ARIH1: variants seen among roughly 807,000 people sequenced by gnomAD.
The protein encoded by ARIH1 is ariadne RBR E3 ubiquitin protein ligase 1.
A neutral mutation model predicts 85.0 loss-of-function variants in ARIH1; 8 were observed. That is an observed-to-expected ratio of 0.09 (90% CI 0.06 to 0.17). The LOEUF is 0.17. Among genes scored for constraint, ARIH1 ranks in the 10% least tolerant of loss-of-function variants. ARIH1 has a pLI of 1.00. For synonymous variants in ARIH1, 238 were observed against 253.6 expected, an observed-to-expected ratio of 0.94 and a Z score of 0.59; for missense variants, 311 against 718.1, an observed-to-expected ratio of 0.43 and a Z score of 6.48.
intron 2 of ARIH1, among the ~76,000 whole-genome samples, chr15:72,543,923 A>G (rs2064118418): frequency 6.6e-6 from 1 of 151,586 alleles, no homozygotes; most frequent in African/African-American, 2.4e-5. Flanking sequence ...AACATGTCTC[A>G]TCTGAATTAA....
intron 1 of ARIH1, among the ~76,000 whole-genome samples, chr15:72,487,961 G>T (rs993411070): frequency 6.6e-5 from 10 of 152,006 alleles, no homozygotes; most frequent in African/African-American, 2.4e-4. Flanking sequence ...ATTCTTTACT[G>T]TGTAACACAT....
chr15:72,486,310 ATC>A (rs976758796), intron 1 of ARIH1, among the ~76,000 whole-genome samples: 1 of 152,128 alleles, frequency 6.6e-6, no homozygotes, highest in African/African-American at 2.4e-5. Flanking sequence ...GTGTGATGAA[ATC>A]TCTCACCATC....
chr15:72,544,791 C>A, intron 2 of ARIH1, 29 bp from the exon 3 acceptor site: 2 of 1,594,562 alleles, frequency 1.3e-6, no homozygotes, highest in South Asian at 1.1e-5. Flanking sequence ...AGTTGCTGGG[C>A]TCTTATCCTT....
In ARIH1 at chr15:72,561,484, C is replaced by A; in HGVS notation, c.739C>A (p.Arg247Ser). ...ATCTATTTTTATTCTTGGTTTCAGG[C>A]GCCTGATCACAGATTCAAAAGTTAA... ...DILVDDNTVM[R>S]LITDSKVKLK... Residue 247 changes from arginine to serine, a missense_variant and splice_region_variant, in exon 6 of 14, where the codon CGC becomes AGC. Physicochemically the swap from Arg to Ser is moderately radical, Grantham distance 110. This residue lies in a region of ARIH1 where 104 missense variants were observed against 221.4 expected (regional missense o/e 0.47). Transcript: ENST00000379887. 1 of 1,588,818 alleles carries A rather than the reference C, an allele frequency of 6.3e-7. No homozygotes were observed. Among genetic ancestry groups the A allele is most frequent in the Non-Finnish European group, 8.6e-7 (1 of 1,161,322 alleles).
intron 1 of ARIH1, among the ~76,000 whole-genome samples, chr15:72,475,408 C>A (rs1188986586): frequency 6.6e-6 from 1 of 151,982 alleles, no homozygotes; most frequent in South Asian, 2.1e-4. Context: ...ACGGGACTTA[C>A]CCCGGCCGTA....
At chr15:72,512,353 T>G (rs1021335896) in intron 1 of ARIH1, among the ~76,000 whole-genome samples, 25 of 152,070 alleles carry the variant, frequency 1.6e-4, no homozygotes, top group African/African-American at 5.8e-4. Context: ...GTGTCTTCTT[T>G]AGTGAGGTTT....
Position 72,585,150 on chromosome 15 carries a change from C to G in ARIH1, c.*1858C>G, listed in dbSNP as rs2064310652. 1 of 152,042 alleles carries G rather than the reference C, an allele frequency of 6.6e-6. No individual in the cohort carries two copies. Among genetic ancestry groups the G allele is most frequent in the Admixed American group, 6.6e-5 (1 of 15,234 alleles). 9.4% of individuals were successfully genotyped at this position (152,042 alleles called of 1,614,324 possible). On this transcript the variant is annotated 3_prime_UTR_variant, in exon 14 of 14. Transcript: ENST00000379887. ...AAGGTTGTTACAGGAGATTTACTGG[C>G]AACTGTTCTTTTCCCATCAAAAATC...
intron 1 of ARIH1, among the ~76,000 whole-genome samples, chr15:72,496,507 TG>T: frequency 6.6e-6 from 1 of 152,324 alleles, no homozygotes; most frequent in African/African-American, 2.4e-5. Flanking sequence ...GAAGAAACTG[TG>T]TGGCCTGGTT....
intron 2 of ARIH1, among the ~76,000 whole-genome samples, chr15:72,527,062 T>G (rs1409810431): frequency 6.6e-6 from 1 of 152,222 alleles, no homozygotes; most frequent in Non-Finnish European, 1.5e-5. Context: ...TGTGGGATAT[T>G]GCCTCCATTA....
intron 1 of ARIH1, among the ~76,000 whole-genome samples, chr15:72,497,635 A>T (rs2063885113): frequency 6.6e-6 from 1 of 152,300 alleles, no homozygotes; most frequent in Non-Finnish European, 1.5e-5. Flanking sequence ...TTGGCTGAAA[A>T]GTGAGTGCTA....
rs192907069 is a variant in ARIH1, at chr15:72,565,410, G to A, written c.912-1153G>A. On this transcript the variant is annotated intron_variant, in intron 7 of 13. Coordinates refer to ENST00000379887, the MANE Select transcript of ARIH1 (RefSeq NM_005744.5). The stretch of plus-strand genomic sequence containing the variant: ...CCAGCCAGATTTTCTTTTTTGCTGC[G>A]GGGTGGTTTGGAGGGGGAAATATTT... Among the ~76,000 whole-genome samples the A allele has an allele frequency of 9.9e-5, 15 of 151,966 alleles. No homozygotes were observed. In the East Asian group the frequency reaches 2.5e-3, roughly 25 times the overall value.
intron 1 of ARIH1, among the ~76,000 whole-genome samples, chr15:72,496,024 C>T (rs1050469253): frequency 2.0e-5 from 3 of 152,108 alleles, no homozygotes; most frequent in African/African-American, 7.2e-5. Context: ...AATCCTTCCG[C>T]CTCAGCCTCC....
chr15:72,529,463 C>T (rs1279333990), intron 2 of ARIH1, among the ~76,000 whole-genome samples: 1 of 152,188 alleles, frequency 6.6e-6, no homozygotes, highest in Non-Finnish European at 1.5e-5. Flanking sequence ...CTCCTGGACT[C>T]AAGCAGTCCT....
chr15:72,532,164 G>A (rs543088595), intron 2 of ARIH1, among the ~76,000 whole-genome samples: 14 of 146,880 alleles, frequency 9.5e-5, no homozygotes, highest in Admixed American at 2.8e-4. Context: ...GAAGCCGTAA[G>A]ATTTTTTTTT....
chr15:72,560,413 A>G (rs1053233415), intron 5 of ARIH1, among the ~76,000 whole-genome samples: 8 of 152,352 alleles, frequency 5.3e-5, no homozygotes, highest in South Asian at 2.1e-4. Context: ...AGTGCTTACT[A>G]TCTGCCAGGC....
At chr15:72,503,399 TC>T (rs2063911729) in intron 1 of ARIH1, among the ~76,000 whole-genome samples, 1 of 152,204 alleles carries the variant, frequency 6.6e-6, no homozygotes, top group East Asian at 1.9e-4. Flanking sequence ...AGTGGCAACT[TC>T]CTGATTCAAG....
At position 72,567,129 on chromosome 15, in the gene ARIH1, G is replaced by A. The variant is rs1419588998; in HGVS notation, c.978G>A (p.Lys326=). 1.9e-6 allele frequency: 3 copies of A among 1,612,050 alleles called. No individual in the cohort carries two copies. The South Asian group carries it at 3.3e-5, about 18-fold the overall frequency. Residue 326 remains lysine, a synonymous_variant, in exon 9 of 14, where the codon AAG becomes AAA. Coordinates refer to ENST00000379887, the MANE Select transcript of ARIH1 (RefSeq NM_005744.5). ...AGTGGTTAAAGAAATGGATTAAAAA[G>A]TGTGATGATGACAGTGAAACCTCCA... ...KCKWLKKWIK[K]CDDDSETSNW... is the part of the protein sequence containing the mutation.
At chr15:72,577,939 G>A (rs556854511) in intron 11 of ARIH1, among the ~76,000 whole-genome samples, 100 of 152,218 alleles carry the variant, frequency 6.6e-4, no homozygotes, top group African/African-American at 2.4e-3. Flanking sequence ...TTTCAGTGCT[G>A]GTATAATAGA....
At chr15:72,523,023 T>G (rs1045955220) in intron 2 of ARIH1, among the ~76,000 whole-genome samples, 12 of 152,088 alleles carry the variant, frequency 7.9e-5, no homozygotes, top group Admixed American at 7.9e-4. Context: ...CGGTAGGAAC[T>G]CTCATCATTT....
Sources: allele counts gnomAD v4.1 joint callset (sites outside exome capture counted in the v4.1 genomes callset), GRCh38; gene constraint gnomAD v4.1.1; regional missense constraint gnomAD v4.1.1; transcripts MANE v1.5; gene names NCBI Gene and HGNC (gene_info 2026-07-23, HGNC 2026-07-21).